The following ANKRD31 variants were observed in gnomAD, a reference collection of about 807,000 sequenced individuals.
ANKRD31 encodes ankyrin repeat domain 31, also known as ankyrin repeat domain-containing protein 31.
A neutral mutation model predicts 186.0 loss-of-function variants in ANKRD31; 147 were observed. The observed-to-expected ratio is 0.79, with a 90% CI of 0.69 to 0.91. The LOEUF (loss-of-function observed/expected upper bound fraction) is 0.91. Among genes scored for constraint, ANKRD31 ranks in the 40% least tolerant of loss-of-function variants. ANKRD31 has a pLI of 0.00. For missense variants in ANKRD31, 1,986 were observed against 2,148.8 expected, an observed-to-expected ratio of 0.92 and a Z score of 1.50; for synonymous variants, 673 against 736.4, an observed-to-expected ratio of 0.91 and a Z score of 1.39.
chr5:75,201,008 T>C (rs1056875535), intron 5 of ANKRD31, among the ~76,000 whole-genome samples: 3 of 152,142 alleles, frequency 2.0e-5, no homozygotes, highest in Non-Finnish European at 2.9e-5. Context: ...ATCTGAGTCA[T>C]TCTTTTGGTT....
intron 17 of ANKRD31, among the ~76,000 whole-genome samples, chr5:75,135,973 G>A (rs796068367): frequency 6.6e-6 from 1 of 152,180 alleles, no homozygotes; most frequent in African/African-American, 2.4e-5. Flanking sequence ...TATGCAGAAA[G>A]CTGAAACTGG....
At chr5:75,133,673 C>T (rs1175917320) in intron 17 of ANKRD31, among the ~76,000 whole-genome samples, 1 of 152,210 alleles carries the variant, frequency 6.6e-6, no homozygotes, top group Non-Finnish European at 1.5e-5. Flanking sequence ...ACCTAATAGA[C>T]ATCTACAGAA....
intron 24 of ANKRD31, 112 bp downstream of exon 24, chr5:75,084,160 T>C (rs565017153): frequency 5.1e-6 from 4 of 783,640 alleles, no homozygotes; most frequent in Non-Finnish European, 8.2e-6. Context: ...TTAATTATAA[T>C]GATTGTTAAT....
At position 75,104,602 on chromosome 5, in the gene ANKRD31, C is replaced by T. The variant is rs761444603; in HGVS notation, c.4957G>A (p.Glu1653Lys). The change falls in exon 22 of 26, where the codon GAA becomes AAA. Residue 1653 changes from glutamate to lysine, a missense_variant. Transcript: ENST00000506364. ...NISETASVLA[E>K]NAAHPSNIIC... ...ATATTTGATGGATGGGCAGCATTTTCGGCAAGGACACTTGCAGTTTCTGAA... is the reference window on the plus strand; with the variant it reads ...ATATTTGATGGATGGGCAGCATTTTTGGCAAGGACACTTGCAGTTTCTGAA... The T allele has an allele frequency of 1.4e-5, 22 of 1,536,212 alleles. No individual in the cohort carries two copies. Among genetic ancestry groups the T allele is most frequent in the African/African-American group, 2.7e-5 (2 of 72,972 alleles).
At chr5:75,168,735 GA>G (rs34439861) in intron 11 of ANKRD31, among the ~76,000 whole-genome samples, 77,108 of 151,374 alleles carry the variant, frequency 0.51, 22,630 homozygotes, top group African/African-American at 0.82. Context: ...AAAACAAGTT[GA>G]AAAAAAATAC....
intron 22 of ANKRD31, 79 bp from the exon 23 acceptor site, chr5:75,091,480 T>A: frequency 7.4e-7 from 1 of 1,354,400 alleles, no homozygotes; most frequent in Non-Finnish European, 9.9e-7. Context: ...CATGACAAAG[T>A]AACAGGGACC....
In ANKRD31 at chr5:75,099,181, G is replaced by A. The variant is rs142667816; in HGVS notation, c.5331+5047C>T. Among the ~76,000 whole-genome samples, 588 of 152,282 alleles carry A rather than the reference G, an allele frequency of 3.9e-3. 6 individuals carry two copies. Among genetic ancestry groups the A allele is most frequent in the African/African-American group, 0.014 (565 of 41,566 alleles). On this transcript the variant is annotated intron_variant, in intron 22 of 25. Coordinates refer to ENST00000506364, the MANE Select transcript of ANKRD31 (RefSeq NM_001372053.1). ...GTCACAGGCCTTTTCTGCATCTATT[G>A]AGATAATCATGGGGTTTTTGTCTTT...
At chr5:75,178,697 A>G (rs564422090) in intron 10 of ANKRD31, among the ~76,000 whole-genome samples, 5 of 152,338 alleles carry the variant, frequency 3.3e-5, no homozygotes, top group African/African-American at 9.6e-5. Flanking sequence ...GAGAACAAAG[A>G]CACAACATAC....
At chr5:75,108,360 T>G (rs568133901) in intron 20 of ANKRD31, among the ~76,000 whole-genome samples, 12 of 152,142 alleles carry the variant, frequency 7.9e-5, no homozygotes, top group Non-Finnish European at 1.5e-4. Context: ...ACTTTCTTCC[T>G]TTGCTTTCCA....
intron 11 of ANKRD31, among the ~76,000 whole-genome samples, chr5:75,156,633 C>T (rs1239726913): frequency 1.3e-5 from 2 of 152,124 alleles, no homozygotes; most frequent in African/African-American, 2.4e-5. Context: ...CTCAGTGAGC[C>T]TTAAATACCA....
chr5:75,233,358 C>T (rs1758069412), intron 1 of ANKRD31, among the ~76,000 whole-genome samples: 1 of 152,082 alleles, frequency 6.6e-6, no homozygotes, highest in Admixed American at 6.5e-5. Context: ...CTACCATGCC[C>T]AACCAGGTTT....
Position 75,236,620 on chromosome 5 carries a change from C to T in ANKRD31, c.67G>A (p.Glu23Lys), listed in dbSNP as rs1758291611. The stretch of plus-strand genomic sequence containing the variant: ...AGCTCCTTTTCTTCCAGGTCGCTCT[C>T]CGTCACTGAACCCTCTATCACAGTT... ...DETVIEGSVTESDLEEKELPW... is the reference protein window; with the variant it reads ...DETVIEGSVTKSDLEEKELPW... Residue 23 changes from glutamate (E) to lysine (K), a missense_variant, in exon 1 of 26, where the codon GAG (glutamate) becomes AAG (lysine). By Grantham distance (56) the Glu-to-Lys change is moderately conservative. Coordinates refer to ENST00000506364, the MANE Select transcript of ANKRD31 (RefSeq NM_001372053.1). The T allele has an allele frequency of 6.5e-7, 1 of 1,537,342 alleles. No homozygotes were observed. Among genetic ancestry groups the T allele is most frequent in the East Asian group, 2.4e-5 (1 of 40,868 alleles).
intron 6 of ANKRD31, 143 bp downstream of exon 6, chr5:75,199,487 TA>T (rs1374180413): frequency 2.2e-6 from 1 of 460,018 alleles, no homozygotes; most frequent in Non-Finnish European, 3.6e-6. Flanking sequence ...AAGAGGTGAT[TA>T]GACAAGAATA....
In ANKRD31 at chr5:75,068,419, G is replaced by A. The variant is rs1743934649; in HGVS notation, c.*100C>T. The A allele has an allele frequency of 8.8e-7, 1 of 1,141,858 alleles. No homozygotes were observed. The highest frequency in any genetic ancestry group is 2.2e-5 in the South Asian group (1 of 45,340). The allele number at this position is 1,141,858 out of a possible 1,614,324, so 70.7% of individuals were successfully genotyped here. A position where few individuals can be genotyped will look rare whatever the true frequency, so the allele number is the denominator to read the frequency against. ...TACATCCTAAATAGCAACTCATAAAGTGTATGTTAAAATAGGCCCACCAGA... is the reference window on the plus strand; with the variant it reads ...TACATCCTAAATAGCAACTCATAAAATGTATGTTAAAATAGGCCCACCAGA... On this transcript the variant is annotated 3_prime_UTR_variant, in exon 26 of 26. Transcript: ENST00000506364.
chr5:75,130,523 GAC>G (rs956406688), intron 17 of ANKRD31, among the ~76,000 whole-genome samples: 2 of 152,140 alleles, frequency 1.3e-5, no homozygotes, highest in Non-Finnish European at 2.9e-5. Flanking sequence ...GGTCCGTTTT[GAC>G]AGAGTGCTGA....
intron 15 of ANKRD31, among the ~76,000 whole-genome samples, chr5:75,140,251 G>A (rs1750917609): frequency 1.1e-5 from 1 of 87,198 alleles, no homozygotes; most frequent in African/African-American, 1.1e-4. Context: ...AGGAAGGAAG[G>A]AAGGAAGGAA....
chr5:75,196,137 A>G lies in ANKRD31; in HGVS notation c.511T>C (p.Ser171Pro). The G allele has an allele frequency of 6.5e-7, 1 of 1,531,302 alleles. No homozygotes were observed. Among genetic ancestry groups the G allele is most frequent in the African/African-American group, 1.4e-5 (1 of 72,814 alleles). 94.9% of individuals were successfully genotyped at this position (1,531,302 alleles called of 1,614,324 possible). Residue 171 changes from serine (S) to proline (P), a missense_variant, in exon 7 of 26, where the codon TCT (serine) becomes CCT (proline). Coordinates refer to ENST00000506364, the MANE Select transcript of ANKRD31 (RefSeq NM_001372053.1). ...GTCTCCTTTACAGCAACTGTATCAG[A>G]TACTGTAATAGCAGTGCCTGAGAGA... ...SLLSGTAITVSDTVAVKETSL... is the reference protein window; with the variant it reads ...SLLSGTAITVPDTVAVKETSL...
intron 17 of ANKRD31, among the ~76,000 whole-genome samples, chr5:75,122,655 A>G (rs529701333): frequency 2.0e-5 from 3 of 152,210 alleles, no homozygotes; most frequent in Non-Finnish European, 4.4e-5. Context: ...GTGATTTATT[A>G]CATAAACACA....
At chr5:75,206,299 ATATATATATATG>A (rs1756228122) in intron 5 of ANKRD31, 100 bp downstream of exon 5, 2 of 96,166 alleles carry the variant, frequency 2.1e-5, no homozygotes, top group Non-Finnish European at 4.2e-5. Context: ...ATATATATAT[ATATATATATATG>A]GTTGACCAGC....
Sources: allele counts gnomAD v4.1 joint callset (sites outside exome capture counted in the v4.1 genomes callset), GRCh38; gene constraint gnomAD v4.1.1; transcripts MANE v1.5; gene names NCBI Gene and HGNC (gene_info 2026-07-23, HGNC 2026-07-21).